The following HCRTR2 variants were observed in gnomAD, a reference collection of about 807,000 sequenced individuals.
The protein encoded by HCRTR2 is hypocretin receptor 2.
In HCRTR2, 22 loss-of-function variants were observed where a neutral mutation model predicts 49.0. The ratio of observed to expected loss-of-function variants is 0.45; its 90% CI spans 0.32 to 0.64. The LOEUF (loss-of-function observed/expected upper bound fraction) is 0.64, where lower values mean the gene tolerates loss of function less well. Among genes scored for constraint, HCRTR2 ranks in the 30% least tolerant of loss-of-function variants. The pLI, the probability that HCRTR2 is intolerant of heterozygous loss-of-function variation, is 0.04. For synonymous variants in HCRTR2, 236 were observed against 205.3 expected (o/e 1.15, Z -1.28); for missense variants, 491 against 559.4 (o/e 0.88, Z 1.23).
chr6:55,186,604 G>A (rs57819349), intron 1 of HCRTR2, among the ~76,000 whole-genome samples: 13,085 of 152,112 alleles, frequency 0.086, 1,128 homozygotes, highest in East Asian at 0.39. Flanking sequence ...TAAATGATAC[G>A]CTATATTTCT....
chr6:55,200,218 T>C lies in HCRTR2; in HGVS notation c.223+25408T>C, dbSNP rs539304820. On this transcript the variant is annotated intron_variant, in intron 1 of 6. Transcript: ENST00000370862. ...TTTTCAATTTTACTATATATGTTTT[T>C]GTACTTGTTTGCTGTCTTGTGTGTG... Among the ~76,000 whole-genome samples the C allele has an allele frequency of 7.3e-5, 11 of 150,794 alleles. No individual in the cohort carries two copies. In the East Asian group the frequency reaches 2.2e-3, roughly 30 times the overall value.
chr6:55,135,513 C>A (rs1173748416), intron 1 of HCRTR2, among the ~76,000 whole-genome samples: 1 of 152,102 alleles, frequency 6.6e-6, no homozygotes, highest in Non-Finnish European at 1.5e-5. Context: ...CTCTCACAAA[C>A]TCCTCCATAT....
chr6:55,107,212 G>A (rs1253437517), intron 1 of HCRTR2, among the ~76,000 whole-genome samples: 1 of 151,778 alleles, frequency 6.6e-6, no homozygotes, highest in African/African-American at 2.4e-5. Context: ...CATTTATAAA[G>A]TCTTATAGCA....
At chr6:55,271,600 A>C (rs1452979800) in intron 4 of HCRTR2, among the ~76,000 whole-genome samples, 1 of 152,180 alleles carries the variant, frequency 6.6e-6, no homozygotes, top group Non-Finnish European at 1.5e-5. Flanking sequence ...AAGTCAGCCC[A>C]TATAAATGCA....
In HCRTR2 at chr6:55,229,971, C is replaced by A. The variant is rs190279123; in HGVS notation, c.224-18668C>A. Among the ~76,000 whole-genome samples, 20 of 152,238 alleles carry A rather than the reference C, an allele frequency of 1.3e-4. No individual in the cohort carries two copies. The East Asian group carries it at 3.9e-3, about 29-fold the overall frequency. ...ACACACACCGCTTCACAGGCAAAAA[C>A]TACTTGGGAAACAAAATGGAAGGTC... On this transcript the variant is annotated intron_variant, in intron 1 of 6. Coordinates refer to ENST00000370862, the MANE Select transcript of HCRTR2 (RefSeq NM_001384272.1).
At chr6:55,208,330 A>AT (rs1476403446) in intron 1 of HCRTR2, among the ~76,000 whole-genome samples, 48 of 149,260 alleles carry the variant, frequency 3.2e-4, no homozygotes, top group Non-Finnish European at 4.9e-4. Context: ...AAAAAAATAA[A>AT]AAAAAAAAAA....
At chr6:55,132,436 C>A (rs1288621207) in intron 1 of HCRTR2, among the ~76,000 whole-genome samples, 1 of 151,824 alleles carries the variant, frequency 6.6e-6, no homozygotes, top group African/African-American at 2.4e-5. Context: ...CTATATGTGC[C>A]AGGGGCACAA....
At chr6:55,229,072 T>C (rs149448148) in intron 1 of HCRTR2, among the ~76,000 whole-genome samples, 136 of 152,264 alleles carry the variant, frequency 8.9e-4, no homozygotes, top group Non-Finnish European at 1.6e-3. Context: ...CACAGAACCA[T>C]CACCTCACAC....
intron 1 of HCRTR2, among the ~76,000 whole-genome samples, chr6:55,196,528 C>A (rs1765420761): frequency 6.6e-6 from 1 of 152,120 alleles, no homozygotes. Flanking sequence ...TTCAGAGACA[C>A]AAAATGATGG....
Position 55,210,771 on chromosome 6 carries a change from G to A in HCRTR2, c.223+35961G>A, listed in dbSNP as rs1765682059. Among the ~76,000 whole-genome samples, 2 of 151,988 alleles carry A rather than the reference G, an allele frequency of 1.3e-5. 1 individual carries two copies. The highest frequency in any genetic ancestry group is 4.1e-4 in the South Asian group (2 of 4,820). On this transcript the variant is annotated intron_variant, in intron 1 of 6. Coordinates refer to ENST00000370862, the MANE Select transcript of HCRTR2 (RefSeq NM_001384272.1). ...CTACTCCTTTTCATAAACTAGACTT[G>A]GGTTCTTTAACTTGCAACAGCAACA... is the stretch of plus-strand genomic sequence containing the variant.
At chr6:55,188,001 C>T (rs545689523) in intron 1 of HCRTR2, among the ~76,000 whole-genome samples, 35 of 152,188 alleles carry the variant, frequency 2.3e-4, no homozygotes, top group Admixed American at 2.1e-3. Flanking sequence ...CCAGGATGGT[C>T]TTGATCTCCT....
intron 1 of HCRTR2, among the ~76,000 whole-genome samples, chr6:55,152,060 A>G (rs1003631199): frequency 6.6e-6 from 1 of 152,084 alleles, no homozygotes; most frequent in Admixed American, 6.6e-5. Flanking sequence ...TCCATTTTAT[A>G]TAGAGCACAA....
intron 1 of HCRTR2, among the ~76,000 whole-genome samples, chr6:55,226,711 G>GTTTTTTTTTTTTTTTT (rs777871106): frequency 2.7e-5 from 2 of 74,256 alleles, no homozygotes; most frequent in African/African-American, 6.0e-5. Flanking sequence ...AATTCCAGGT[G>GTTTTTTTTTTTTTTTT]TTTTTTTTTT....
intron 1 of HCRTR2, among the ~76,000 whole-genome samples, chr6:55,189,573 A>G (rs1294974141): frequency 6.6e-6 from 1 of 152,190 alleles, no homozygotes; most frequent in African/African-American, 2.4e-5. Context: ...TCTCACTTAT[A>G]AGCAGAGCTG....
At chr6:55,235,961 C>T (rs1253353548) in intron 1 of HCRTR2, among the ~76,000 whole-genome samples, 1 of 151,800 alleles carries the variant, frequency 6.6e-6, no homozygotes, top group Non-Finnish European at 1.5e-5. Context: ...ATTTGTTTTT[C>T]CATAATATAA....
At chr6:55,120,809 G>C (rs1057432064) in intron 1 of HCRTR2, among the ~76,000 whole-genome samples, 1 of 151,896 alleles carries the variant, frequency 6.6e-6, no homozygotes, top group African/African-American at 2.4e-5. Context: ...AGTGGTGAGA[G>C]ATCTGTTCTG....
intron 1 of HCRTR2, among the ~76,000 whole-genome samples, chr6:55,141,956 A>C (rs533300698): frequency 5.9e-5 from 9 of 152,338 alleles, no homozygotes; most frequent in African/African-American, 2.2e-4. Flanking sequence ...GAAATGGGAA[A>C]TAAATTGTAA....
intron 1 of HCRTR2, among the ~76,000 whole-genome samples, chr6:55,128,142 C>T (rs1764306794): frequency 1.3e-5 from 2 of 152,178 alleles, no homozygotes; most frequent in South Asian, 4.1e-4. Flanking sequence ...CTTCATATGG[C>T]TGGCTAGTTA....
At chr6:55,218,327 A>C (rs1765828636) in intron 1 of HCRTR2, among the ~76,000 whole-genome samples, 1 of 152,218 alleles carries the variant, frequency 6.6e-6, no homozygotes, top group Admixed American at 6.5e-5. Flanking sequence ...AACACAAAGG[A>C]GTACAGTAAG....
Sources: gnomAD v4.1 joint callset for allele counts (sites outside exome capture counted in the v4.1 genomes callset) on GRCh38, gnomAD v4.1.1 for gene constraint, MANE v1.5 for transcripts, NCBI Gene and HGNC (gene_info 2026-07-23, HGNC 2026-07-21) for gene names.